Variants in SLC27A6 observed in about 807,000 individuals in gnomAD.
SLC27A6 encodes the protein long-chain fatty acid transport protein 6.
SLC27A6 carries 74 observed loss-of-function variants against 63.9 expected under a neutral mutation model. The observed-to-expected ratio is 1.16, with a 90% CI of 0.96 to 1.40. SLC27A6 has a LOEUF of 1.40. Among genes scored for constraint, SLC27A6 ranks in the 40% most tolerant of loss-of-function variants. SLC27A6 has a pLI of 0.00. For missense variants in SLC27A6, 794 were observed against 732.9 expected, an observed-to-expected ratio of 1.08 and a Z score of -0.96; for synonymous variants, 287 against 260.8, an observed-to-expected ratio of 1.10 and a Z score of -0.97.
intron 4 of SLC27A6, among the ~76,000 whole-genome samples, chr5:128,997,310 T>C (rs1580723457): frequency 6.6e-6 from 1 of 152,178 alleles, no homozygotes; most frequent in East Asian, 1.9e-4. Flanking sequence ...TCCTCAAATA[T>C]TTGAAGCATA....
At chr5:129,004,142 A>G (rs542088950) in intron 4 of SLC27A6, among the ~76,000 whole-genome samples, 78 of 152,246 alleles carry the variant, frequency 5.1e-4, no homozygotes, top group Admixed American at 1.2e-3. Context: ...TGTCTCATTC[A>G]GGTTCATATT....
At chr5:128,974,167 T>C (rs980331272) in intron 1 of SLC27A6, among the ~76,000 whole-genome samples, 2 of 152,234 alleles carry the variant, frequency 1.3e-5, no homozygotes, top group African/African-American at 4.8e-5. Flanking sequence ...GCTTTTCTGT[T>C]GACCGAATTG....
chr5:128,978,592 T>C (rs564220575), intron 1 of SLC27A6, among the ~76,000 whole-genome samples: 1 of 152,298 alleles, frequency 6.6e-6, no homozygotes, highest in South Asian at 2.1e-4. Context: ...CCTATCACAG[T>C]GCACATTATC....
chr5:129,029,472 T>A (rs1401571649), intron 8 of SLC27A6, 105 bp from the exon 9 acceptor site: 1 of 715,542 alleles, frequency 1.4e-6, no homozygotes, highest in Non-Finnish European at 2.3e-6. Context: ...TTATTATTAC[T>A]GAAATAGATT....
chr5:128,979,307 A>G (rs1425693498), intron 1 of SLC27A6, among the ~76,000 whole-genome samples: 2 of 151,624 alleles, frequency 1.3e-5, no homozygotes, highest in Non-Finnish European at 2.9e-5. Flanking sequence ...CTACTTCCCA[A>G]CCCTCAGTGG....
At chr5:129,001,822 G>T (rs1294091002) in intron 4 of SLC27A6, among the ~76,000 whole-genome samples, 1 of 152,144 alleles carries the variant, frequency 6.6e-6, no homozygotes, top group Non-Finnish European at 1.5e-5. Context: ...TCTCTAAGTA[G>T]GAATAACCAC....
At position 128,965,533 on chromosome 5, in the gene SLC27A6, C is replaced by A. The variant is rs1211611764; in HGVS notation, c.-605C>A. On this transcript the variant is annotated 5_prime_UTR_variant, in exon 1 of 10. Coordinates refer to ENST00000262462, the MANE Select transcript of SLC27A6 (RefSeq NM_001017372.3). ...ACGGACCGAGACGTGGTGCTGAGCCCCTGCGCGGTTTCTGGTGCGTAGAGA... is the reference window on the plus strand; with the variant it reads ...ACGGACCGAGACGTGGTGCTGAGCCACTGCGCGGTTTCTGGTGCGTAGAGA... 1.3e-5 allele frequency: 2 copies of A among 152,406 alleles called. No individual in the cohort carries two copies. The highest frequency in any genetic ancestry group is 2.1e-4 in the South Asian group (1 of 4,832). The allele number at this position is 152,406 out of a possible 1,614,324, so 9.4% of individuals were successfully genotyped here.
At chr5:129,021,095 A>G (rs571320194) in intron 5 of SLC27A6, among the ~76,000 whole-genome samples, 37 of 151,034 alleles carry the variant, frequency 2.4e-4, no homozygotes, top group African/African-American at 9.0e-4. Flanking sequence ...TGGGAGGTCA[A>G]GCTGGGTGAT....
intron 5 of SLC27A6, among the ~76,000 whole-genome samples, chr5:129,018,513 C>T (rs1479984872): frequency 6.6e-6 from 1 of 152,016 alleles, no homozygotes; most frequent in Non-Finnish European, 1.5e-5. Context: ...GTATAGTTGA[C>T]ATCTAAGAAA....
intron 1 of SLC27A6, among the ~76,000 whole-genome samples, chr5:128,972,712 C>T (rs780061139): frequency 6.6e-6 from 1 of 152,180 alleles, no homozygotes; most frequent in Non-Finnish European, 1.5e-5. Context: ...TGGTTTCGAA[C>T]ATCCCCCTTT....
intron 2 of SLC27A6, among the ~76,000 whole-genome samples, chr5:128,988,371 G>A (rs182155207): frequency 6.6e-6 from 1 of 152,326 alleles, no homozygotes; most frequent in East Asian, 1.9e-4. Flanking sequence ...CATAGCGTTT[G>A]AGATACAGGC....
chr5:129,006,126 T>C (rs1030933334), intron 4 of SLC27A6, among the ~76,000 whole-genome samples: 5 of 136,520 alleles, frequency 3.7e-5, no homozygotes, highest in African/African-American at 8.3e-5. Context: ...TTGCCCAGAC[T>C]GGAGTGCAGT....
At chr5:128,968,474 T>C (rs1749999533) in intron 1 of SLC27A6, among the ~76,000 whole-genome samples, 2 of 152,182 alleles carry the variant, frequency 1.3e-5, no homozygotes, top group South Asian at 4.1e-4. Context: ...TGAGATGGTA[T>C]CTCATTGTGG....
intron 8 of SLC27A6, among the ~76,000 whole-genome samples, chr5:129,029,370 A>G (rs2150156601): frequency 6.6e-6 from 1 of 152,116 alleles, no homozygotes; most frequent in South Asian, 2.1e-4. Flanking sequence ...GCAATTAGAG[A>G]TAGACTCTGG....
chr5:129,003,165 G>A (rs776135351), intron 4 of SLC27A6, among the ~76,000 whole-genome samples: 11 of 152,190 alleles, frequency 7.2e-5, no homozygotes, highest in Non-Finnish European at 1.2e-4. Context: ...GAATCTGTGT[G>A]CATACATCTC....
intron 1 of SLC27A6, among the ~76,000 whole-genome samples, chr5:128,970,767 G>A: frequency 6.7e-6 from 1 of 149,566 alleles, no homozygotes; most frequent in African/African-American, 2.4e-5. Flanking sequence ...CTTCAGTTCT[G>A]CTCTGATCTT....
At chr5:128,990,231 GT>G in intron 3 of SLC27A6, 108 bp from the exon 4 acceptor site, 1 of 1,133,450 alleles carries the variant, frequency 8.8e-7, no homozygotes, top group Non-Finnish European at 1.3e-6. Flanking sequence ...AGTTATTAAA[GT>G]TTTAAAATGA....
chr5:129,030,304 A>G (rs1752374618), intron 9 of SLC27A6, among the ~76,000 whole-genome samples: 1 of 152,012 alleles, frequency 6.6e-6, no homozygotes, highest in African/African-American at 2.4e-5. Flanking sequence ...CATTTATTCA[A>G]CCATTCATGT....
intron 4 of SLC27A6, among the ~76,000 whole-genome samples, chr5:129,008,865 AT>A (rs777633985): frequency 0.21 from 25,272 of 122,726 alleles, 1,889 homozygotes; most frequent in Middle Eastern, 0.27. Flanking sequence ...TTTTCAATTG[AT>A]TTTTTTTTTT....
Sources: gnomAD v4.1 joint callset for allele counts (sites outside exome capture counted in the v4.1 genomes callset) on GRCh38, gnomAD v4.1.1 for gene constraint, MANE v1.5 for transcripts, NCBI Gene and HGNC (gene_info 2026-07-23, HGNC 2026-07-21) for gene names.